The following TRIM29 variants were observed in gnomAD, a reference collection of about 807,000 sequenced individuals.
TRIM29 encodes tripartite motif containing 29.
In TRIM29, 52 loss-of-function variants were observed where a neutral mutation model predicts 57.3. The observed-to-expected ratio is 0.91, with a 90% confidence interval of 0.73 to 1.14. The LOEUF (loss-of-function observed/expected upper bound fraction) is 1.14. Ranked by LOEUF, TRIM29 falls within the 50% of genes most tolerant of loss-of-function variation. The pLI is 0.00. For missense variants in TRIM29, 753 were observed against 774.6 expected, an observed-to-expected ratio of 0.97 and a Z score of 0.33; for synonymous variants, 319 against 316.9, an observed-to-expected ratio of 1.01 and a Z score of -0.07.
chr11:120,128,246 T>C (rs1313220143), intron 2 of TRIM29, among the ~76,000 whole-genome samples, 154 bp downstream of exon 2: 1 of 151,446 alleles, frequency 6.6e-6, no homozygotes, highest in Non-Finnish European at 1.5e-5. Context: ...AGAAGGGGAG[T>C]TGGTGAGAAT....
intron 1 of TRIM29, among the ~76,000 whole-genome samples, chr11:120,133,520 C>A (rs1381431767): frequency 6.6e-6 from 1 of 152,134 alleles, no homozygotes; most frequent in African/African-American, 2.4e-5. Flanking sequence ...CCCCTTAGCA[C>A]CCAGAGAGGC....
chr11:120,111,770 A>G lies in TRIM29; in HGVS notation c.*644T>C, dbSNP rs1175047254. On this transcript the variant is annotated 3_prime_UTR_variant, in exon 9 of 9. Transcript: ENST00000341846. ...AGAAGCCACCCTCCAGGGACCACAGACTCAAAGTGGCTGTGGTGGAGACCC... is the reference window on the plus strand; with the variant it reads ...AGAAGCCACCCTCCAGGGACCACAGGCTCAAAGTGGCTGTGGTGGAGACCC... 1.3e-5 allele frequency: 2 copies of G among 152,456 alleles called. No homozygotes were observed. The highest frequency in any genetic ancestry group is 4.8e-5 in the African/African-American group (2 of 41,418). 9.4% of individuals were successfully genotyped at this position (152,456 alleles called of 1,614,324 possible). A position where few individuals can be genotyped will look rare whatever the true frequency, so the allele number is the denominator to read the frequency against.
At chr11:120,136,991 A>G (rs1298583348) in intron 1 of TRIM29, among the ~76,000 whole-genome samples, 1 of 152,194 alleles carries the variant, frequency 6.6e-6, no homozygotes, top group East Asian at 1.9e-4. Flanking sequence ...CCATCCGCTC[A>G]TCTAGAAAAT....
intron 8 of TRIM29, among the ~76,000 whole-genome samples, chr11:120,114,423 G>A (rs1355107768): frequency 6.6e-6 from 1 of 152,170 alleles, no homozygotes; most frequent in African/African-American, 2.4e-5. Context: ...ACCAACCCCA[G>A]CCATTCTTTG....
At position 120,127,494 on chromosome 11, in the gene TRIM29, C is replaced by T; in HGVS notation, c.976G>A (p.Glu326Lys). 6.2e-7 allele frequency: 1 copy of T among 1,614,242 alleles called. No individual in the cohort carries two copies. Among genetic ancestry groups the T allele is most frequent in the Non-Finnish European group, 8.5e-7 (1 of 1,180,050 alleles). The change falls in exon 3 of 9, where the codon GAG (glutamate) becomes AAG (lysine). Residue 326 changes from glutamate to lysine, a missense_variant. Coordinates refer to ENST00000341846, the MANE Select transcript of TRIM29 (RefSeq NM_012101.4). ...DLVRDLEKQK[E>K]EVRAALEQRE... ...TGCTCCAGCGCAGCCCTCACTTCCTCCTTTTGCTTCTCCAGGTCCCGCACC... is the reference window on the plus strand; with the variant it reads ...TGCTCCAGCGCAGCCCTCACTTCCTTCTTTTGCTTCTCCAGGTCCCGCACC...
chr11:120,123,843 T>A (rs1863519631), intron 4 of TRIM29: 1 of 270,240 alleles, frequency 3.7e-6, no homozygotes, highest in Non-Finnish European at 7.2e-6. Context: ...ACTCAAAGAA[T>A]AAACAAATGC....
At chr11:120,135,953 T>C (rs983280543) in intron 1 of TRIM29, among the ~76,000 whole-genome samples, 1 of 152,126 alleles carries the variant, frequency 6.6e-6, no homozygotes, top group African/African-American at 2.4e-5. Context: ...CCCACATCTG[T>C]GGGGCAAAGG....
intron 8 of TRIM29, among the ~76,000 whole-genome samples, chr11:120,114,438 C>T (rs1169889069): frequency 6.6e-6 from 1 of 152,176 alleles, no homozygotes; most frequent in Non-Finnish European, 1.5e-5. Flanking sequence ...TCTTTGTGGT[C>T]CAGGGCAAAT....
chr11:120,112,842 C>T (rs1452221936), intron 8 of TRIM29, among the ~76,000 whole-genome samples: 1 of 152,150 alleles, frequency 6.6e-6, no homozygotes, highest in Non-Finnish European at 1.5e-5. Flanking sequence ...AGCACTGTGT[C>T]GAGGGCTGTA....
rs372111842 is a variant in TRIM29 at position 120,112,480 on chromosome 11, T to C, written c.1705-4A>G. The C allele has an allele frequency of 6.2e-7, 1 of 1,613,612 alleles. No homozygotes were observed. Among genetic ancestry groups the C allele is most frequent in the Non-Finnish European group, 8.5e-7 (1 of 1,179,742 alleles). ...CGTAGAATGGCCGGTAGTGAGACTG[T>C]GGGGGAAACAAGAGTGGTCAGCGAG... On this transcript the variant is annotated splice_region_variant and splice_polypyrimidine_tract_variant and intron_variant, in intron 8 of 8. Transcript: ENST00000341846.
chr11:120,120,867 G>A (rs1394853568), intron 5 of TRIM29: 13 of 672,170 alleles, frequency 1.9e-5, no homozygotes, highest in South Asian at 9.0e-5. Flanking sequence ...GTTAGTAACC[G>A]TGCAGAGAGC....
At chr11:120,122,580 C>T (rs796111904) in intron 5 of TRIM29, among the ~76,000 whole-genome samples, 13 of 152,244 alleles carry the variant, frequency 8.5e-5, no homozygotes, top group African/African-American at 3.1e-4. Flanking sequence ...AAACCTGAGC[C>T]AAAGCAAAAC....
In TRIM29 at chr11:120,123,049, T is replaced by G. The variant is rs183375845; in HGVS notation, c.1340A>C (p.Asp447Ala). The change falls in exon 5 of 9, where the codon GAC (aspartate) becomes GCC (alanine). Residue 447 changes from aspartate to alanine, a missense_variant. Physicochemically the swap from Asp to Ala is moderately radical, Grantham distance 126 (BLOSUM62 -2). Transcript: ENST00000341846. Reference sequence around the variant, plus strand: ...CGTGTAGTTGTTCACATAGCGATGGTCACCACCTAGGAAGCAGAGGGTCGG... The same window carrying G: ...CGTGTAGTTGTTCACATAGCGATGGGCACCACCTAGGAAGCAGAGGGTCGG... ...IERNHMENGG[D>A]HRYVNNYTNS... 1.7e-5 allele frequency: 27 copies of G among 1,614,034 alleles called. No homozygotes were observed. The African/African-American group carries it at 3.6e-4, about 22-fold the overall frequency.
intron 4 of TRIM29, chr11:120,125,244 A>C: frequency 4.9e-6 from 1 of 204,922 alleles, no homozygotes; most frequent in Non-Finnish European, 1.0e-5. Flanking sequence ...CCATGATGAC[A>C]GGCAAGTCCT....
chr11:120,117,927 G>A (rs1863316967), intron 7 of TRIM29: 2 of 415,902 alleles, frequency 4.8e-6, no homozygotes, highest in Non-Finnish European at 8.8e-6. Context: ...GAGAGGTCGA[G>A]TGCAGGGGGT....
In TRIM29 at chr11:120,127,346, AAC is replaced by A; in HGVS notation, c.1122_1123del (p.Leu375ValfsTer50). On this transcript the variant is annotated frameshift_variant, in exon 3 of 9. Transcript: ENST00000341846. LOFTEE classifies it high-confidence loss of function. ...GGAGTGGCTTGTTACCTGCAGAAAC[AAC>A]ACAGAGTCGCTGATGCTATGCAGCT... The A allele has an allele frequency of 6.2e-7, 1 of 1,614,052 alleles. No individual in the cohort carries two copies. Among genetic ancestry groups the A allele is most frequent in the Non-Finnish European group, 8.5e-7 (1 of 1,179,960 alleles).
At chr11:120,127,025 CTGATCTCACAACTCTT>C (rs1863605311) in intron 3 of TRIM29, among the ~76,000 whole-genome samples, 2 of 152,236 alleles carry the variant, frequency 1.3e-5, no homozygotes, top group Non-Finnish European at 2.9e-5. Context: ...ACCCGATTCA[CTGATCTCACAACTCTT>C]TCCTACTGAG....
At position 120,112,421 on chromosome 11, in the gene TRIM29, G is replaced by A. The variant is rs1863156006; in HGVS notation, c.1760C>T (p.Ala587Val). 1 of 1,613,428 alleles carries A rather than the reference G, an allele frequency of 6.2e-7. No homozygotes were observed. Among genetic ancestry groups the A allele is most frequent in the Non-Finnish European group, 8.5e-7 (1 of 1,179,780 alleles). The change falls in exon 9 of 9, where the codon GCC becomes GTC. Residue 587 changes from alanine (A) to valine (V), a missense_variant. By Grantham distance (64) the Ala-to-Val change is moderately conservative. Coordinates refer to ENST00000341846, the MANE Select transcript of TRIM29 (RefSeq NM_012101.4). ...NKGNGIGSNE[A>V]P ...GTTCCTTCCGCCAGGAGCTCATGGG[G>A]CTTCGTTGGACCCAATCCCGTTGCC...
rs1201249816 is a variant in TRIM29 at position 120,137,439 on chromosome 11, T to G, written c.593A>C (p.His198Pro). 6.2e-7 allele frequency: 1 copy of G among 1,607,430 alleles called. No homozygotes were observed. Among genetic ancestry groups the G allele is most frequent in the African/African-American group, 1.3e-5 (1 of 74,896 alleles). ...GGCGCCCTCCAGGTGGGGCTTGAGA[T>G]GCAGCTCGCAGAAGGAGGCCTGGCA... is the stretch of plus-strand genomic sequence containing the variant. ...LVCQASFCELHLKPHLEGAAF... is the reference protein window; with the variant it reads ...LVCQASFCELPLKPHLEGAAF... The change falls in exon 1 of 9, where the codon CAT becomes CCT. Residue 198 changes from histidine to proline, a missense_variant. His to Pro is a moderately conservative substitution (Grantham distance 77). Coordinates refer to ENST00000341846, the MANE Select transcript of TRIM29 (RefSeq NM_012101.4). This position sits in a 1 kb window ranked among gnomAD's most constrained non-coding sequence, Gnocchi z 6.2.
Sources: allele counts gnomAD v4.1 joint callset (sites outside exome capture counted in the v4.1 genomes callset), GRCh38; gene constraint gnomAD v4.1.1; non-coding constraint Gnocchi (gnomAD v3.1); transcripts MANE v1.5; gene names NCBI Gene and HGNC (gene_info 2026-07-23, HGNC 2026-07-21).